Variants in LONP2 observed in about 807,000 individuals in gnomAD.
LONP2 encodes lon peptidase 2, peroxisomal.
In LONP2, 60 loss-of-function variants were observed where a neutral mutation model predicts 85.6. That is an observed-to-expected ratio of 0.70 (90% CI 0.57 to 0.87). The LOEUF (loss-of-function observed/expected upper bound fraction) is 0.87, where lower values mean the gene tolerates loss of function less well. Among genes scored for constraint, LONP2 ranks in the 40% least tolerant of loss-of-function variants. The pLI is 0.00. For missense variants in LONP2, 860 were observed against 1,063.5 expected (o/e 0.81, Z 2.66); for synonymous variants, 395 against 389.7 (o/e 1.01, Z -0.16).
At chr16:48,268,080 A>G (rs1972028601) in intron 6 of LONP2, among the ~76,000 whole-genome samples, 1 of 152,216 alleles carries the variant, frequency 6.6e-6, no homozygotes. Flanking sequence ...TTCTAATTAT[A>G]AATAAGGAAA....
intron 11 of LONP2, among the ~76,000 whole-genome samples, chr16:48,312,970 G>A (rs1425634598): frequency 1.3e-5 from 2 of 152,172 alleles, no homozygotes; most frequent in Non-Finnish European, 2.9e-5. Flanking sequence ...TCATGTTTGA[G>A]CCCCCTGAAT....
intron 11 of LONP2, among the ~76,000 whole-genome samples, chr16:48,329,037 A>G (rs1959352177): frequency 1.3e-5 from 2 of 152,170 alleles, no homozygotes; most frequent in Admixed American, 6.5e-5. Context: ...AATCTGAGTC[A>G]GGACTGGAGA....
intron 11 of LONP2, among the ~76,000 whole-genome samples, chr16:48,321,699 T>G (rs1317497609): frequency 3.3e-5 from 5 of 152,180 alleles, no homozygotes; most frequent in Non-Finnish European, 7.3e-5. Flanking sequence ...CTGTAGGCAA[T>G]TATAACAGAG....
rs1290150196 is a variant in LONP2 at position 48,362,991 on chromosome 16, T to TAA, written c.*1129_*1130dup. The stretch of plus-strand genomic sequence containing the variant: ...TACAAAATTTTTAAAATACAGTCTA[T>TAA]AACAACTATTTACATATTGTTTACA... On this transcript the variant is annotated 3_prime_UTR_variant, in exon 5 of 5. Transcript: ENST00000565867. This position sits in a 1 kb window ranked among gnomAD's most constrained non-coding sequence, Gnocchi z 4.2. The TAA allele has an allele frequency of 6.0e-6, 1 of 166,252 alleles. No homozygotes were observed. Among genetic ancestry groups the TAA allele is most frequent in the East Asian group, 1.9e-4 (1 of 5,218 alleles). 10.3% of individuals were successfully genotyped at this position (166,252 alleles called of 1,614,324 possible).
chr16:48,357,296 A>G lies in LONP2; in HGVS notation c.*5494A>G, dbSNP rs1960411085. ...CACCAAATCTTAGTAGATGCTTGAT[A>G]AGGAATTTTGTTTGGATGGTGCCAT... is the stretch of plus-strand genomic sequence containing the variant. On this transcript the variant is annotated 3_prime_UTR_variant, in exon 15 of 15. Coordinates refer to ENST00000285737, the MANE Select transcript of LONP2 (RefSeq NM_031490.5). The G allele has an allele frequency of 6.6e-6, 1 of 152,218 alleles. No individual in the cohort carries two copies. 9.4% of individuals were successfully genotyped at this position (152,218 alleles called of 1,614,324 possible).
At chr16:48,273,381 A>G (rs928040467) in intron 7 of LONP2, among the ~76,000 whole-genome samples, 1 of 152,322 alleles carries the variant, frequency 6.6e-6, no homozygotes, top group East Asian at 1.9e-4. Context: ...GAGATGGGGA[A>G]GCAAAAGAGA....
At chr16:48,322,415 C>G (rs1973284922) in intron 11 of LONP2, among the ~76,000 whole-genome samples, 2 of 152,220 alleles carry the variant, frequency 1.3e-5, no homozygotes, top group African/African-American at 4.8e-5. Flanking sequence ...TCAGGATCTT[C>G]AGTTTCACTG....
intron 11 of LONP2, among the ~76,000 whole-genome samples, chr16:48,318,444 G>A (rs1973192600): frequency 6.6e-6 from 1 of 150,940 alleles, no homozygotes; most frequent in South Asian, 2.1e-4. Flanking sequence ...ATTTGAACCT[G>A]GGAGGCGGGG....
Position 48,354,107 on chromosome 16 carries a change from C to T in LONP2, c.*2305C>T, listed in dbSNP as rs934292976. 1 of 490 alleles carries T rather than the reference C, an allele frequency of 2.0e-3. No homozygotes were observed. Among genetic ancestry groups the T allele is most frequent in the Non-Finnish European group, 3.5e-3 (1 of 282 alleles). The allele number at this position is 490 out of a possible 1,614,324, so 0.0% of individuals were successfully genotyped here. Reference sequence around the variant, plus strand: ...GGGGGGTGGGGGGTTAGGGGTGGGGCGGGTGGGGAAGAGCCAAAATTTTAA... The same window carrying T: ...GGGGGGTGGGGGGTTAGGGGTGGGGTGGGTGGGGAAGAGCCAAAATTTTAA... On this transcript the variant is annotated 3_prime_UTR_variant, in exon 15 of 15. Transcript: ENST00000285737.
At chr16:48,292,727 A>G (rs1972581456) in intron 8 of LONP2, among the ~76,000 whole-genome samples, 1 of 152,234 alleles carries the variant, frequency 6.6e-6, no homozygotes, top group Non-Finnish European at 1.5e-5. Context: ...CCAAGCTGTA[A>G]GCAATCCCGC....
intron 2 of LONP2, among the ~76,000 whole-genome samples, chr16:48,255,067 A>C (rs1971730879): frequency 6.6e-6 from 1 of 152,194 alleles, no homozygotes; most frequent in African/African-American, 2.4e-5. Flanking sequence ...AGCACATGAA[A>C]TCTGATTTGA....
chr16:48,274,641 T>TAC (rs1207700251), intron 7 of LONP2, among the ~76,000 whole-genome samples: 1 of 151,326 alleles, frequency 6.6e-6, no homozygotes, highest in Non-Finnish European at 1.5e-5. Context: ...CAGTTTGAGA[T>TAC]ACACACACAC....
chr16:48,332,778 T>G (rs1447593234), intron 11 of LONP2, among the ~76,000 whole-genome samples: 2 of 151,012 alleles, frequency 1.3e-5, no homozygotes, highest in African/African-American at 4.9e-5. Flanking sequence ...CATGGTGTTG[T>G]GCACCAGTAA....
At chr16:48,346,017 C>T (rs1959951384) in intron 12 of LONP2, 1 of 149,266 alleles carries the variant, frequency 6.7e-6, no homozygotes. Flanking sequence ...GCACTCCAGC[C>T]CAGGCGACAG....
At chr16:48,256,894 T>C (rs1971771651) in intron 3 of LONP2, among the ~76,000 whole-genome samples, 153 bp downstream of exon 3, 1 of 152,364 alleles carries the variant, frequency 6.6e-6, no homozygotes, top group East Asian at 1.9e-4. Flanking sequence ...CAAATGTGAT[T>C]GTTTTATATT....
chr16:48,360,375 G>T (rs761233123), downstream of LONP2, among the ~76,000 whole-genome samples: 1 of 148,844 alleles, frequency 6.7e-6, no homozygotes, highest in Admixed American at 6.7e-5. Flanking sequence ...CTAATCCAGA[G>T]GCCATATACC....
chr16:48,268,111 AT>A (rs1972029302), intron 6 of LONP2, among the ~76,000 whole-genome samples: 1 of 152,178 alleles, frequency 6.6e-6, no homozygotes, highest in Non-Finnish European at 1.5e-5. Flanking sequence ...AATTTGAAAA[AT>A]TTTTTACATG....
At position 48,244,812 on chromosome 16, in the gene LONP2, G is replaced by T. The variant is rs375464394; in HGVS notation, c.233+191G>T. On this transcript the variant is annotated intron_variant, in intron 1 of 14. Transcript: ENST00000285737. ...CTGCCCCATGACCATGAATGAGATCGTTCATGAAGTAGTGCCTGACACCTG... is the reference window on the plus strand; with the variant it reads ...CTGCCCCATGACCATGAATGAGATCTTTCATGAAGTAGTGCCTGACACCTG... Among the ~76,000 whole-genome samples the T allele has an allele frequency of 4.3e-3, 650 of 152,312 alleles. 5 individuals carry two copies. The highest frequency in any genetic ancestry group is 0.015 in the African/African-American group (615 of 41,576).
At position 48,362,489 on chromosome 16, in the gene LONP2, A is replaced by G. The variant is rs778045073; in HGVS notation, c.*626A>G. ...TAATTATAACCATGACTTACTTTAT[A>G]AATAATGTTTACATGCCATAAGTCC... On this transcript the variant is annotated 3_prime_UTR_variant, in exon 5 of 5. Transcript: ENST00000565867. This position sits in a 1 kb window ranked among gnomAD's most constrained non-coding sequence, Gnocchi z 4.2. 9.6e-6 allele frequency: 15 copies of G among 1,560,684 alleles called. No individual in the cohort carries two copies. The Admixed American group carries it at 2.4e-4, about 25-fold the overall frequency.
Sources: gnomAD v4.1 joint callset for allele counts (sites outside exome capture counted in the v4.1 genomes callset) on GRCh38, gnomAD v4.1.1 for gene constraint, Gnocchi (gnomAD v3.1) non-coding constraint, MANE v1.5 for transcripts, NCBI Gene and HGNC (gene_info 2026-07-23, HGNC 2026-07-21) for gene names.